Variants in PCDH15 observed in about 807,000 individuals in gnomAD.
PCDH15 encodes the protein protocadherin related 15, also known as protocadherin-15.
Under a neutral mutation model 178.5 loss-of-function variants are expected in PCDH15, and 129 were observed. The observed-to-expected ratio is 0.72, with a 90% CI of 0.63 to 0.84. PCDH15 has a LOEUF of 0.84. Among genes scored for constraint, PCDH15 ranks in the 40% least tolerant of loss-of-function variants. The pLI is 0.00. For synonymous variants in PCDH15, 800 were observed against 732.0 expected (o/e 1.09, Z -1.50); for missense variants, 2,230 against 2,099.9 (o/e 1.06, Z -1.21).
At chr10:55,581,549 A>T (rs914990010) in intron 2 of PCDH15, among the ~76,000 whole-genome samples, 3 of 151,958 alleles carry the variant, frequency 2.0e-5, no homozygotes, top group Admixed American at 1.3e-4. Context: ...TTCTGCACAT[A>T]AGTGCAAATA....
chr10:55,163,833 C>T (rs373286054), intron 2 of PCDH15, among the ~76,000 whole-genome samples: 12 of 152,108 alleles, frequency 7.9e-5, no homozygotes, highest in Admixed American at 2.0e-4. Context: ...AGGAATTGCC[C>T]GCCCCTTTCC....
Position 54,037,311 on chromosome 10 carries a change from T to A in PCDH15, c.2221-14114A>T, listed in dbSNP as rs140326086. Among the ~76,000 whole-genome samples the A allele has an allele frequency of 3.2e-3, 483 of 151,984 alleles. 2 individuals are homozygous for A. Among genetic ancestry groups the A allele is most frequent in the African/African-American group, 0.011 (457 of 41,484 alleles). On this transcript the variant is annotated intron_variant, in intron 18 of 37. Coordinates refer to ENST00000644397, the MANE Select transcript of PCDH15 (RefSeq NM_001384140.1). ...CAGCATCACTAGCTACAGAAAAAAATTTAATGAAAGCAAGAAGTATTCAAT... is the reference window on the plus strand; with the variant it reads ...CAGCATCACTAGCTACAGAAAAAAAATTAATGAAAGCAAGAAGTATTCAAT...
chr10:54,813,384 C>G (rs1770760181), intron 3 of PCDH15, among the ~76,000 whole-genome samples: 1 of 152,148 alleles, frequency 6.6e-6, no homozygotes, highest in South Asian at 2.1e-4. Flanking sequence ...AAACTCAAAA[C>G]AGATTTGCAA....
chr10:55,538,598 C>CT (rs1347128224), intron 2 of PCDH15, among the ~76,000 whole-genome samples: 1 of 69,056 alleles, frequency 1.4e-5, no homozygotes, highest in Non-Finnish European at 2.7e-5. Flanking sequence ...TCCTTCCTTC[C>CT]TTCCTTTCCT....
At chr10:54,805,817 T>C (rs185656603), upstream of PCDH15, among the ~76,000 whole-genome samples, 62 of 152,292 alleles carry the variant, frequency 4.1e-4, no homozygotes, top group Middle Eastern at 3.4e-3. Flanking sequence ...ATAATAAATA[T>C]ACAATGTGAT....
intron 2 of PCDH15, among the ~76,000 whole-genome samples, chr10:55,073,978 C>A (rs2132016991): frequency 6.6e-6 from 1 of 152,028 alleles, no homozygotes; most frequent in Admixed American, 6.6e-5. Context: ...TTTTCTGTTC[C>A]TGTGTTAGTT....
chr10:53,924,423 C>T (rs988285422), intron 25 of PCDH15, among the ~76,000 whole-genome samples: 2 of 152,206 alleles, frequency 1.3e-5, no homozygotes, highest in African/African-American at 4.8e-5. Flanking sequence ...CCCTGCGGGG[C>T]AAGGCTTGGG....
At position 54,214,618 on chromosome 10, in the gene PCDH15, G is replaced by T. The variant is rs563839137; in HGVS notation, c.986-570C>A. ...TTTATGTATTTATTTTTGAGATAGAGCCCTGCTGTGTCACCCAGGCTGGAG... is the reference window on the plus strand; with the variant it reads ...TTTATGTATTTATTTTTGAGATAGATCCCTGCTGTGTCACCCAGGCTGGAG... On this transcript the variant is annotated intron_variant, in intron 9 of 37. Transcript: ENST00000644397. 3.5e-4 allele frequency among the ~76,000 whole-genome samples: 53 copies of T among 152,258 alleles called. No homozygotes were observed. In the East Asian group the frequency reaches 0.01, roughly 29 times the overall value.
intron 2 of PCDH15, among the ~76,000 whole-genome samples, chr10:54,927,030 T>G (rs949880169): frequency 1.3e-5 from 2 of 152,032 alleles, no homozygotes; most frequent in Non-Finnish European, 2.9e-5. Context: ...GTCATGATGT[T>G]AGGTAGTTAA....
chr10:54,353,902 G>A (rs976707008), intron 5 of PCDH15, among the ~76,000 whole-genome samples: 27 of 152,162 alleles, frequency 1.8e-4, no homozygotes, highest in African/African-American at 6.3e-4. Context: ...TACAGAGAAT[G>A]ATAAATAACT....
intron 13 of PCDH15, among the ~76,000 whole-genome samples, chr10:54,182,654 T>G (rs1397170310): frequency 2.0e-5 from 3 of 152,144 alleles, no homozygotes; most frequent in Non-Finnish European, 4.4e-5. Context: ...CTATCTAACT[T>G]AAATTTTCTC....
intron 2 of PCDH15, among the ~76,000 whole-genome samples, chr10:55,519,963 A>G (rs529823338): frequency 6.7e-6 from 1 of 149,942 alleles, no homozygotes; most frequent in Non-Finnish European, 1.5e-5. Flanking sequence ...GTAACGCGGG[A>G]TAAATGTACC....
intron 2 of PCDH15, among the ~76,000 whole-genome samples, chr10:55,160,583 T>C (rs1008310184): frequency 4.6e-5 from 7 of 151,930 alleles, no homozygotes; most frequent in Non-Finnish European, 1.0e-4. Context: ...CCCCTCTCAA[T>C]CAAAGAATGA....
chr10:53,856,968 G>A (rs2078789277), intron 28 of PCDH15, among the ~76,000 whole-genome samples: 1 of 151,954 alleles, frequency 6.6e-6, no homozygotes, highest in Non-Finnish European at 1.5e-5. Context: ...GGATGGGAGG[G>A]GCATGAGGGC....
chr10:54,021,715 A>C (rs906448093), intron 19 of PCDH15, among the ~76,000 whole-genome samples: 18 of 152,026 alleles, frequency 1.2e-4, no homozygotes, highest in African/African-American at 4.3e-4. Flanking sequence ...TCTATTACCT[A>C]GGCCCTTTGT....
At chr10:54,372,670 T>A (rs1947846509) in intron 4 of PCDH15, among the ~76,000 whole-genome samples, 1 of 151,868 alleles carries the variant, frequency 6.6e-6, no homozygotes, top group Non-Finnish European at 1.5e-5. Context: ...AAATAAGCCA[T>A]GGTAATTTGA....
intron 3 of PCDH15, among the ~76,000 whole-genome samples, chr10:54,522,104 A>G (rs1173886775): frequency 6.6e-6 from 1 of 151,592 alleles, no homozygotes; most frequent in Admixed American, 6.6e-5. Context: ...AAAAAAAAAA[A>G]AAAAAAGGAA....
chr10:54,394,935 G>C (rs1476400748), intron 3 of PCDH15, among the ~76,000 whole-genome samples: 6 of 152,136 alleles, frequency 3.9e-5, no homozygotes, highest in Non-Finnish European at 8.8e-5. Flanking sequence ...GTTCTGCCCA[G>C]CTCACCGGTG....
chr10:54,399,876 G>A (rs375182405), intron 3 of PCDH15, among the ~76,000 whole-genome samples: 24 of 152,276 alleles, frequency 1.6e-4, no homozygotes, highest in South Asian at 1.4e-3. Context: ...ATCTGCCTAC[G>A]TGGTTCACAA....
Sources: gnomAD v4.1 joint callset for allele counts (sites outside exome capture counted in the v4.1 genomes callset) on GRCh38, gnomAD v4.1.1 for gene constraint, MANE v1.5 for transcripts, NCBI Gene and HGNC (gene_info 2026-07-23, HGNC 2026-07-21) for gene names.